Variants in CPNE4 observed in about 807,000 individuals in gnomAD.
CPNE4 encodes the protein copine-4.
CPNE4 carries 25 observed loss-of-function variants against 67.9 expected under a neutral mutation model. The observed-to-expected ratio is 0.37, with a 90% CI of 0.27 to 0.51. CPNE4 has a LOEUF of 0.51. Ranked by LOEUF, CPNE4 falls within the 20% of genes least tolerant of loss-of-function variation. The pLI is 0.93. For synonymous variants in CPNE4, 242 were observed against 244.9 expected, an observed-to-expected ratio of 0.99 and a Z score of 0.11; for missense variants, 464 against 690.8, an observed-to-expected ratio of 0.67 and a Z score of 3.68.
intron 2 of CPNE4, among the ~76,000 whole-genome samples, chr3:131,856,163 G>A (rs1206456912): frequency 6.6e-6 from 1 of 151,912 alleles, no homozygotes; most frequent in Non-Finnish European, 1.5e-5. Context: ...TGTCTATTAA[G>A]TCTATTCAAG....
rs2086891719 is a variant in CPNE4, at chr3:131,865,303, C to T, written c.180+39961G>A. ...ATGGTACCAGCTCCTCCTTGTACCT[C>T]TGGTAGAATTCGGCTGTGAATCCAT... On this transcript the variant is annotated intron_variant, in intron 2 of 15. Coordinates refer to ENST00000429747, the MANE Select transcript of CPNE4 (RefSeq NM_130808.3). Among the ~76,000 whole-genome samples the T allele has an allele frequency of 2.0e-5, 3 of 152,122 alleles. No homozygotes were observed. In the South Asian group the frequency reaches 6.2e-4, roughly 32 times the overall value.
At chr3:131,896,733 T>C (rs1475804589) in intron 2 of CPNE4, among the ~76,000 whole-genome samples, 3 of 152,106 alleles carry the variant, frequency 2.0e-5, no homozygotes, top group African/African-American at 7.2e-5. Flanking sequence ...TCCTCCATTG[T>C]ACTTGATACC....
chr3:131,832,168 A>T (rs1242900880), intron 2 of CPNE4, among the ~76,000 whole-genome samples: 1 of 152,188 alleles, frequency 6.6e-6, no homozygotes, highest in African/African-American at 2.4e-5. Context: ...TTTGTTATAG[A>T]AGTCTTATAT....
chr3:131,827,625 G>C (rs943221701), intron 2 of CPNE4, among the ~76,000 whole-genome samples: 1 of 152,040 alleles, frequency 6.6e-6, no homozygotes, highest in African/African-American at 2.4e-5. Flanking sequence ...CACAATGGCT[G>C]TTATGCTTTA....
At chr3:131,590,813 T>C (rs998955200) in intron 7 of CPNE4, among the ~76,000 whole-genome samples, 15 of 152,318 alleles carry the variant, frequency 9.8e-5, no homozygotes, top group African/African-American at 3.6e-4. Context: ...CTAAGATTAG[T>C]TCTAGTCACA....
chr3:131,957,903 G>T (rs2072023544), intron 1 of CPNE4, among the ~76,000 whole-genome samples: 1 of 152,238 alleles, frequency 6.6e-6, no homozygotes, highest in Non-Finnish European at 1.5e-5. Flanking sequence ...TTTTCAAGCA[G>T]ATGTGAAAAC....
At chr3:131,841,938 G>C (rs1354519771) in intron 2 of CPNE4, among the ~76,000 whole-genome samples, 1 of 152,224 alleles carries the variant, frequency 6.6e-6, no homozygotes, top group Non-Finnish European at 1.5e-5. Context: ...TGCCTGGAGA[G>C]AGGGTGTGTG....
At chr3:131,592,517 CA>C (rs1938595572) in intron 7 of CPNE4, among the ~76,000 whole-genome samples, 1 of 152,048 alleles carries the variant, frequency 6.6e-6, no homozygotes, top group Non-Finnish European at 1.5e-5. Flanking sequence ...GTGCAATTTA[CA>C]GGCTTGGAGA....
chr3:131,572,610 A>G (rs1937394489), intron 10 of CPNE4, among the ~76,000 whole-genome samples: 1 of 151,948 alleles, frequency 6.6e-6, no homozygotes, highest in Non-Finnish European at 1.5e-5. Context: ...GAAGGATGGA[A>G]AGTGGCTCTA....
chr3:131,679,097 A>C (rs531072275), intron 6 of CPNE4, among the ~76,000 whole-genome samples: 1 of 152,144 alleles, frequency 6.6e-6, no homozygotes, highest in East Asian at 1.9e-4. Flanking sequence ...TACTGCCTCT[A>C]TTTCAAAACT....
chr3:132,009,364 T>A (rs536545955), intron 1 of CPNE4, among the ~76,000 whole-genome samples: 1 of 152,206 alleles, frequency 6.6e-6, no homozygotes, highest in East Asian at 1.9e-4. Flanking sequence ...CCTGTCCCCA[T>A]CCCTCCATGC....
At chr3:131,978,524 A>ATTT in intron 1 of CPNE4, among the ~76,000 whole-genome samples, 25 of 80,296 alleles carry the variant, frequency 3.1e-4, no homozygotes, top group Non-Finnish European at 4.3e-4. Context: ...TTATTTATAT[A>ATTT]AATATAAATA....
At chr3:131,929,708 C>T (rs918320950) in intron 1 of CPNE4, among the ~76,000 whole-genome samples, 4 of 152,224 alleles carry the variant, frequency 2.6e-5, no homozygotes, top group Admixed American at 6.5e-5. Flanking sequence ...TTCTTTTCTG[C>T]CTACCTCTAT....
chr3:131,753,913 C>T (rs1448622272), intron 2 of CPNE4, among the ~76,000 whole-genome samples: 1 of 152,040 alleles, frequency 6.6e-6, no homozygotes, highest in Admixed American at 6.6e-5. Context: ...TCCAACCCAG[C>T]AATTCTGTAC....
At chr3:131,964,875 C>T (rs2072297356) in intron 1 of CPNE4, among the ~76,000 whole-genome samples, 1 of 151,970 alleles carries the variant, frequency 6.6e-6, no homozygotes, top group South Asian at 2.1e-4. Flanking sequence ...TACAAAGAAC[C>T]TCACTAAGAT....
chr3:131,825,681 A>C (rs2085130287), intron 2 of CPNE4, among the ~76,000 whole-genome samples: 2 of 152,184 alleles, frequency 1.3e-5, no homozygotes, highest in South Asian at 4.1e-4. Flanking sequence ...GAATGGGCTG[A>C]AATGAAATTT....
chr3:131,875,573 T>G (rs1017013565), intron 2 of CPNE4, among the ~76,000 whole-genome samples: 1 of 150,936 alleles, frequency 6.6e-6, no homozygotes, highest in Non-Finnish European at 1.5e-5. Flanking sequence ...CAGCAAACTA[T>G]CGCAAGGACA....
intron 1 of CPNE4, among the ~76,000 whole-genome samples, chr3:131,919,153 G>C (rs1484915772): frequency 6.6e-6 from 1 of 152,184 alleles, no homozygotes; most frequent in Non-Finnish European, 1.5e-5. Context: ...GTGACCTTCA[G>C]ATAGTCAACT....
intron 1 of CPNE4, among the ~76,000 whole-genome samples, chr3:131,939,928 A>G (rs1345031776): frequency 6.6e-6 from 1 of 152,132 alleles, no homozygotes; most frequent in Non-Finnish European, 1.5e-5. Context: ...TACATGTGAG[A>G]GAACTGAGCA....
Sources: gnomAD v4.1 joint callset for allele counts (sites outside exome capture counted in the v4.1 genomes callset) on GRCh38, gnomAD v4.1.1 for gene constraint, MANE v1.5 for transcripts, NCBI Gene and HGNC (gene_info 2026-07-23, HGNC 2026-07-21) for gene names.